Variants in IL16 observed in about 807,000 individuals in gnomAD.
The protein encoded by IL16 is interleukin 16.
Under a neutral mutation model 110.1 loss-of-function variants are expected in IL16, and 67 were observed. The ratio of observed to expected loss-of-function variants is 0.61; its 90% CI spans 0.50 to 0.75. The LOEUF is 0.75. Ranked by LOEUF, IL16 falls within the 30% of genes least tolerant of loss-of-function variation. The pLI is 0.00. For missense variants in IL16, 1,545 were observed against 1,655.0 expected (o/e 0.93, Z 1.15); for synonymous variants, 689 against 662.9 (o/e 1.04, Z -0.61).
rs770701813 is a variant in IL16 at position 81,299,666 on chromosome 15, G to T, written c.2340G>T (p.Lys780Asn). 18 of 1,614,126 alleles carry T rather than the reference G, an allele frequency of 1.1e-5. No homozygotes were observed. In the Admixed American group the frequency reaches 2.2e-4, roughly 19 times the overall value. The change falls in exon 14 of 19, where the codon AAG becomes AAT. Residue 780 changes from lysine (K) to asparagine (N), a missense_variant. Physicochemically the swap from Lys to Asn is moderately conservative, Grantham distance 94 (BLOSUM62 0). Around this residue, in one of 3 missense-constraint regions of IL16, gnomAD observed 1,185 missense variants for 1,238.8 expected, o/e 0.96. Coordinates refer to ENST00000683961, the MANE Select transcript of IL16 (RefSeq NM_172217.5). Reference protein sequence around the residue: ...VYKSADSSTVKKGPPVAPKPA... With the variant: ...VYKSADSSTVNKGPPVAPKPA... ...AGTCAGCAGACAGCAGCACTGTGAA[G>T]AAAGGTCCTCCTGTGGCTCCCAAGC... is the stretch of plus-strand genomic sequence containing the variant.
chr15:81,301,352 A>G lies in IL16; in HGVS notation c.3158A>G (p.Glu1053Gly), dbSNP rs1234201096. ...LDTGFSLNLS[E>G]LREYTEGLTE... ...GTTTCTCCTTATGAAAGCCTTTCAG[A>G]GCTGAGAGAATATACAGAGGGTCTC... The change falls in exon 15 of 19, where the codon GAG becomes GGG. Residue 1053 changes from glutamate (E) to glycine (G), a missense_variant. By Grantham distance (98) the Glu-to-Gly change is moderately conservative. Coordinates refer to ENST00000683961, the MANE Select transcript of IL16 (RefSeq NM_172217.5). 6.2e-7 allele frequency: 1 copy of G among 1,602,056 alleles called. No individual in the cohort carries two copies. Among genetic ancestry groups the G allele is most frequent in the South Asian group, 1.1e-5 (1 of 88,564 alleles).
intron 4 of IL16, among the ~76,000 whole-genome samples, chr15:81,267,491 C>CACACACACACAT (rs147481819): frequency 0.21 from 31,497 of 149,616 alleles, 3,512 homozygotes; most frequent in African/African-American, 0.27. Context: ...CACACACACA[C>CACACACACACAT]ACACACACAC....
At chr15:81,221,713 A>G (rs568682472) in intron 1 of IL16, among the ~76,000 whole-genome samples, 1 of 152,130 alleles carries the variant, frequency 6.6e-6, no homozygotes, top group South Asian at 2.1e-4. Flanking sequence ...GACAAGGCTC[A>G]TTTTGAAAAC....
chr15:81,235,391 G>A (rs1897145946), intron 2 of IL16, among the ~76,000 whole-genome samples: 1 of 152,096 alleles, frequency 6.6e-6, no homozygotes, highest in African/African-American at 2.4e-5. Flanking sequence ...GCAAGAGAGG[G>A]AGCAAGAGAG....
At chr15:81,305,710 C>A in intron 16 of IL16, 198 bp from the exon 17 acceptor site, 1 of 619,094 alleles carries the variant, frequency 1.6e-6, no homozygotes, top group Non-Finnish European at 2.8e-6. Context: ...GTCATTACTG[C>A]TGGTGATCTC....
chr15:81,307,195 G>C (rs1900616543), intron 18 of IL16, among the ~76,000 whole-genome samples: 1 of 152,160 alleles, frequency 6.6e-6, no homozygotes, highest in African/African-American at 2.4e-5. Flanking sequence ...TCAAATTGGA[G>C]GTCTCCAAGC....
At chr15:81,281,969 G>A (rs1899198854) in intron 8 of IL16, among the ~76,000 whole-genome samples, 1 of 152,308 alleles carries the variant, frequency 6.6e-6, no homozygotes, top group South Asian at 2.1e-4. Flanking sequence ...CATAAAAATA[G>A]GAATGAGATC....
chr15:81,207,224 T>C (rs6495548), intron 1 of IL16, among the ~76,000 whole-genome samples: 59,248 of 139,074 alleles, frequency 0.43, 15,907 homozygotes, highest in African/African-American at 0.74. Flanking sequence ...GGCGACAGAG[T>C]CAGACTCTGT....
At chr15:81,231,148 C>G (rs961271266) in intron 2 of IL16, among the ~76,000 whole-genome samples, 1 of 151,914 alleles carries the variant, frequency 6.6e-6, no homozygotes, top group East Asian at 1.9e-4. Flanking sequence ...TTGAGACCAG[C>G]CTGGGCAGCA....
chr15:81,209,289 G>A (rs1022966354), intron 1 of IL16, among the ~76,000 whole-genome samples: 2 of 152,124 alleles, frequency 1.3e-5, no homozygotes, highest in African/African-American at 4.8e-5. Context: ...GGGGAGGGGC[G>A]TCCTGGGGGA....
At chr15:81,302,825 C>T (rs115474200) in intron 15 of IL16, among the ~76,000 whole-genome samples, 2,119 of 152,280 alleles carry the variant, frequency 0.014, 47 homozygotes, top group African/African-American at 0.044. Flanking sequence ...AGAGCTGACC[C>T]TTTGAGCAGA....
chr15:81,241,036 C>T (rs1011130523), intron 2 of IL16, among the ~76,000 whole-genome samples: 10 of 151,972 alleles, frequency 6.6e-5, no homozygotes, highest in Admixed American at 3.9e-4. Flanking sequence ...ATTGTTCCAG[C>T]GCCCTCTGTT....
rs200308437 is a variant in IL16, at chr15:81,218,041, CAAAAT to C, written c.-101-7257_-101-7253del. Reference sequence around the variant, plus strand: ...AACTTTAGTCAGTAAAATTAGAAAACAAAATGAAATAAGTGACCCAAATATTTGTA... The same window carrying C: ...AACTTTAGTCAGTAAAATTAGAAAACGAAATAAGTGACCCAAATATTTGTA... On this transcript the variant is annotated intron_variant, in intron 1 of 18. Transcript: ENST00000683961. Among the ~76,000 whole-genome samples the C allele has an allele frequency of 5.9e-5, 9 of 151,966 alleles. No individual in the cohort carries two copies. The East Asian group carries it at 1.5e-3, about 26-fold the overall frequency.
intron 2 of IL16, among the ~76,000 whole-genome samples, chr15:81,244,704 G>T (rs890607164): frequency 6.6e-6 from 1 of 152,030 alleles, no homozygotes; most frequent in Non-Finnish European, 1.5e-5. Flanking sequence ...TAAGCTTCTT[G>T]AATCTGTAAT....
At chr15:81,285,621 G>A (rs986215080) in intron 9 of IL16, 77 bp from the exon 10 acceptor site, 2 of 1,504,740 alleles carry the variant, frequency 1.3e-6, no homozygotes, top group African/African-American at 1.4e-5. Flanking sequence ...CCAGCCAGGA[G>A]TGGGCCCCTG....
At chr15:81,296,832 A>G (rs1029839026) in intron 12 of IL16, 96 bp from the exon 13 acceptor site, 3 of 1,115,576 alleles carry the variant, frequency 2.7e-6, no homozygotes, top group East Asian at 2.5e-5. Context: ...AAAGCAGCTC[A>G]ATATCCGTTT....
chr15:81,300,369 C>G lies in IL16; in HGVS notation c.3043C>G (p.Pro1015Ala), dbSNP rs142037991. Residue 1015 changes from proline (P) to alanine (A), a missense_variant, in exon 14 of 19, where the codon CCC becomes GCC. By Grantham distance (27) the Pro-to-Ala change is conservative. This residue lies in a region of IL16 where 356 missense variants were observed against 399.3 expected (regional missense o/e 0.89). Coordinates refer to ENST00000683961, the MANE Select transcript of IL16 (RefSeq NM_172217.5). ...ATCTTCTATCTCCTGTGCCCAGACT[C>G]CCTGCATCCCCAAGGAAGGGGCATC... ...LPSSISCAQT[P>A]CIPKEGASPT... is the part of the protein sequence containing the mutation. The G allele has an allele frequency of 4.8e-5, 77 of 1,614,148 alleles. No individual in the cohort carries two copies. The African/African-American group carries it at 9.2e-4, about 19-fold the overall frequency.
At chr15:81,182,715 T>C in exon 1 of IL16, 1 of 387,702 alleles carries the variant, frequency 2.6e-6, no homozygotes, top group Non-Finnish European at 4.9e-6. Flanking sequence ...AAAAAACAGT[T>C]CTAACGAGGA....
intron 6 of IL16, among the ~76,000 whole-genome samples, chr15:81,277,927 G>A (rs748269377): frequency 3.2e-4 from 48 of 152,018 alleles, no homozygotes; most frequent in Non-Finnish European, 5.7e-4. Flanking sequence ...GGGAGAAAGT[G>A]GTTTTCTGTT....
Sources: allele counts gnomAD v4.1 joint callset (sites outside exome capture counted in the v4.1 genomes callset), GRCh38; gene constraint gnomAD v4.1.1; regional missense constraint gnomAD v4.1.1; transcripts MANE v1.5; gene names NCBI Gene and HGNC (gene_info 2026-07-23, HGNC 2026-07-21).